The following GPR39 variants were observed in gnomAD, a reference collection of about 807,000 sequenced individuals.
GPR39 encodes the protein zinc sensing receptor.
A neutral mutation model predicts 18.4 loss-of-function variants in GPR39; 23 were observed. The ratio of observed to expected loss-of-function variants is 1.25; its 90% CI spans 0.90 to 1.77. The LOEUF is 1.77. GPR39 is among the 40% of genes most tolerant of loss of function. The probability of loss-of-function intolerance (pLI) is 0.00; values close to 1 mark genes in which losing one functional copy is unlikely to be tolerated. For synonymous variants in GPR39, 280 were observed against 257.9 expected, an observed-to-expected ratio of 1.09 and a Z score of -0.82; for missense variants, 647 against 602.4, an observed-to-expected ratio of 1.07 and a Z score of -0.78.
In GPR39 at chr2:132,614,182, T is replaced by TTTTTTTTTTGTTTTTGTTTTGTTTTG. The variant is rs147317141; in HGVS notation, c.857-30914_857-30913insTTTTGTTTTTGTTTTGTTTTGTTTTT. ...TGTCTTGAGGAACTTGCTTGCTTTT[T>TTTTTTTTTTGTTTTTGTTTTGTTTTG]TTTTTGTTTTTGTTTTGTTTTGTTT... is the stretch of plus-strand genomic sequence containing the variant. On this transcript the variant is annotated intron_variant, in intron 1 of 1. Coordinates refer to ENST00000329321, the MANE Select transcript of GPR39 (RefSeq NM_001508.3). Among the ~76,000 whole-genome samples, 609 of 151,990 alleles carry TTTTTTTTTTGTTTTTGTTTTGTTTTG rather than the reference T, an allele frequency of 4.0e-3. 2 individuals carry two copies. The highest frequency in any genetic ancestry group is 6.7e-3 in the Non-Finnish European group (456 of 67,908).
intron 1 of GPR39, among the ~76,000 whole-genome samples, chr2:132,484,947 A>G (rs1681302288): frequency 6.6e-6 from 1 of 152,168 alleles, no homozygotes; most frequent in Non-Finnish European, 1.5e-5. Context: ...AGTCTCACAG[A>G]TAATGTCAGA....
chr2:132,467,194 T>C (rs139494658), intron 1 of GPR39, among the ~76,000 whole-genome samples: 71 of 152,256 alleles, frequency 4.7e-4, no homozygotes, highest in African/African-American at 1.5e-3. Context: ...AGGCAGGTGT[T>C]GAGCATAGAT....
At position 132,462,751 on chromosome 2, in the gene GPR39, A is replaced by C. The variant is rs535408518; in HGVS notation, c.856+44853A>C. ...CTGATGGCATTAGACAAATCACTTC[A>C]CCTCTCTCTGCCTTGGTTTCCTCAT... On this transcript the variant is annotated intron_variant, in intron 1 of 1. Transcript: ENST00000329321. Among the ~76,000 whole-genome samples the C allele has an allele frequency of 2.6e-5, 4 of 151,816 alleles. No homozygotes were observed. The East Asian group carries it at 7.8e-4, about 30-fold the overall frequency.
At chr2:132,493,397 C>A (rs1438123417) in intron 1 of GPR39, among the ~76,000 whole-genome samples, 1 of 144,420 alleles carries the variant, frequency 6.9e-6, no homozygotes, top group African/African-American at 2.6e-5. Flanking sequence ...TATATACACA[C>A]CATATATATA....
At chr2:132,614,916 A>T (rs976833155) in intron 1 of GPR39, among the ~76,000 whole-genome samples, 2 of 152,134 alleles carry the variant, frequency 1.3e-5, no homozygotes, top group African/African-American at 2.4e-5. Flanking sequence ...TACTCCAATA[A>T]TCAAGACCAC....
At chr2:132,603,467 A>G (rs920786793) in intron 1 of GPR39, among the ~76,000 whole-genome samples, 4 of 152,170 alleles carry the variant, frequency 2.6e-5, no homozygotes, top group African/African-American at 7.2e-5. Flanking sequence ...GCAGTGTAGG[A>G]TGACTATAGT....
At position 132,645,119 on chromosome 2, in the gene GPR39, T is replaced by G; in HGVS notation, c.875T>G (p.Leu292Trp). The G allele has an allele frequency of 6.2e-7, 1 of 1,613,246 alleles. No individual in the cohort carries two copies. Among genetic ancestry groups the G allele is most frequent in the Non-Finnish European group, 8.5e-7 (1 of 1,179,530 alleles). Residue 292 changes from leucine to tryptophan, a missense_variant, in exon 2 of 2, where the codon TTG (leucine) becomes TGG (tryptophan). Around this residue, in one of 3 missense-constraint regions of GPR39, gnomAD observed 581 missense variants for 506.8 expected, o/e 1.15. Coordinates refer to ENST00000329321, the MANE Select transcript of GPR39 (RefSeq NM_001508.3). ...TGCCCAGGGCTGATTGTTGTGACAT[T>G]GGCCGTATGCTGGATGCCCAACCAG... ...IIFLRLIVVT[L>W]AVCWMPNQIR... is the part of the protein sequence containing the mutation.
intron 1 of GPR39, among the ~76,000 whole-genome samples, chr2:132,434,194 T>G (rs1043245324): frequency 7.9e-5 from 12 of 152,084 alleles, no homozygotes; most frequent in African/African-American, 2.9e-4. Flanking sequence ...GAAAGAGAAG[T>G]GAGCATCAAG....
intron 1 of GPR39, among the ~76,000 whole-genome samples, chr2:132,487,806 T>G (rs1316951641): frequency 6.6e-6 from 1 of 152,090 alleles, no homozygotes; most frequent in Non-Finnish European, 1.5e-5. Context: ...TGAGAAAGTT[T>G]ACAGATATCT....
At chr2:132,602,149 C>G (rs1681053091) in intron 1 of GPR39, among the ~76,000 whole-genome samples, 1 of 152,006 alleles carries the variant, frequency 6.6e-6, no homozygotes, top group South Asian at 2.1e-4. Context: ...AAATATACCA[C>G]AAAGCTATAG....
chr2:132,619,225 A>AT (rs770978670), intron 1 of GPR39, among the ~76,000 whole-genome samples: 4 of 152,206 alleles, frequency 2.6e-5, no homozygotes, highest in Non-Finnish European at 5.9e-5. Flanking sequence ...TTGCTGTGGA[A>AT]TCAGGCTATG....
chr2:132,644,388 GT>G (rs1681942611), intron 1 of GPR39, among the ~76,000 whole-genome samples: 1 of 152,224 alleles, frequency 6.6e-6, no homozygotes, highest in Non-Finnish European at 1.5e-5. Flanking sequence ...CTAGAAGGAA[GT>G]TTTATATTTG....
intron 1 of GPR39, chr2:132,644,815 CAT>C (rs1491154119): frequency 2.6e-6 from 1 of 380,774 alleles, no homozygotes; most frequent in Non-Finnish European, 4.7e-6. Context: ...CCAATGAAAA[CAT>C]TTTTTTAAAA....
chr2:132,431,259 A>C (rs1680220328), intron 1 of GPR39, among the ~76,000 whole-genome samples: 1 of 152,194 alleles, frequency 6.6e-6, no homozygotes. Context: ...TATTTCTAGA[A>C]TTGGGCATTT....
intron 1 of GPR39, among the ~76,000 whole-genome samples, chr2:132,441,879 C>A (rs12617760): frequency 5.3e-5 from 8 of 152,000 alleles, no homozygotes; most frequent in East Asian, 1.9e-4. Flanking sequence ...GAGATCTTGC[C>A]GTGTGCTTGC....
At chr2:132,505,132 G>A (rs1383006358) in intron 1 of GPR39, among the ~76,000 whole-genome samples, 2 of 152,196 alleles carry the variant, frequency 1.3e-5, no homozygotes, top group Non-Finnish European at 2.9e-5. Context: ...TAGAGGGGCT[G>A]CATCTGGTGA....
intron 1 of GPR39, among the ~76,000 whole-genome samples, chr2:132,622,288 G>A (rs1681456349): frequency 6.6e-6 from 1 of 152,126 alleles, no homozygotes. Flanking sequence ...CACCTACTGT[G>A]GAGGCTGAGG....
chr2:132,645,255 G>A lies in GPR39; in HGVS notation c.1011G>A (p.Ser337=), dbSNP rs1558870597. 3 of 1,614,128 alleles carry A rather than the reference G, an allele frequency of 1.9e-6. No homozygotes were observed. Among genetic ancestry groups the A allele is most frequent in the East Asian group, 2.2e-5 (1 of 44,868 alleles). ...PFSETFFYLS[S]VINPLLYTVS... ...CGGAGACGTTTTTCTACCTCAGCTC[G>A]GTCATCAACCCGCTCCTGTACACGG... The change falls in exon 2 of 2, where the codon TCG becomes TCA. Residue 337 remains serine, a synonymous_variant. Coordinates refer to ENST00000329321, the MANE Select transcript of GPR39 (RefSeq NM_001508.3).
intron 1 of GPR39, among the ~76,000 whole-genome samples, chr2:132,427,887 A>G (rs945385960): frequency 2.8e-5 from 4 of 143,122 alleles, no homozygotes; most frequent in African/African-American, 1.0e-4. Flanking sequence ...ATATATATAT[A>G]TAATATATAT....
Sources: allele counts gnomAD v4.1 joint callset (sites outside exome capture counted in the v4.1 genomes callset), GRCh38; gene constraint gnomAD v4.1.1; regional missense constraint gnomAD v4.1.1; transcripts MANE v1.5; gene names NCBI Gene and HGNC (gene_info 2026-07-23, HGNC 2026-07-21).